Variants in SLC4A4 observed in about 807,000 individuals in gnomAD.
SLC4A4 encodes the protein electrogenic sodium bicarbonate cotransporter 1.
In SLC4A4, 27 loss-of-function variants were observed where a neutral mutation model predicts 111.5. The ratio of observed to expected loss-of-function variants is 0.24; its 90% CI spans 0.18 to 0.33. SLC4A4 has a LOEUF of 0.33. Among genes scored for constraint, SLC4A4 ranks in the 10% least tolerant of loss-of-function variants. SLC4A4 has a pLI of 1.00. For missense variants in SLC4A4, 909 were observed against 1,315.5 expected (o/e 0.69, Z 4.78); for synonymous variants, 443 against 463.4 (o/e 0.96, Z 0.57).
intron 2 of SLC4A4, among the ~76,000 whole-genome samples, chr4:71,239,837 T>C (rs755148180): frequency 1.3e-4 from 20 of 152,208 alleles, no homozygotes; most frequent in Non-Finnish European, 2.5e-4. Context: ...GGTTTTAAAG[T>C]TAACATTTTT....
intron 3 of SLC4A4, among the ~76,000 whole-genome samples, chr4:71,333,777 T>C (rs982435027): frequency 6.6e-6 from 1 of 152,098 alleles, no homozygotes; most frequent in African/African-American, 2.4e-5. Flanking sequence ...CCTTTCCTGA[T>C]GCAGAAGGAG....
intron 1 of SLC4A4, among the ~76,000 whole-genome samples, chr4:71,233,972 A>G (rs1719625464): frequency 6.6e-6 from 1 of 152,124 alleles, no homozygotes; most frequent in African/African-American, 2.4e-5. Flanking sequence ...CCTAAAGTTG[A>G]CCTTCTAGCC....
intron 18 of SLC4A4, among the ~76,000 whole-genome samples, chr4:71,536,550 G>T (rs1012566153): frequency 1.4e-5 from 2 of 144,448 alleles, no homozygotes; most frequent in Admixed American, 7.2e-5. Flanking sequence ...AGGCTGGAGT[G>T]CAGTGGCTTG....
chr4:71,533,242 G>C (rs1016938472), intron 17 of SLC4A4, among the ~76,000 whole-genome samples: 1 of 152,072 alleles, frequency 6.6e-6, no homozygotes, highest in African/African-American at 2.4e-5. Context: ...TAATTCATTT[G>C]AGTTAATATT....
chr4:71,252,278 A>C (rs887990074), intron 2 of SLC4A4, among the ~76,000 whole-genome samples: 2 of 152,172 alleles, frequency 1.3e-5, no homozygotes, highest in African/African-American at 4.8e-5. Flanking sequence ...TAGCTTATTA[A>C]GTATTTGATT....
chr4:71,504,318 T>G (rs889124686), intron 16 of SLC4A4, among the ~76,000 whole-genome samples: 4 of 152,138 alleles, frequency 2.6e-5, no homozygotes, highest in Non-Finnish European at 4.4e-5. Flanking sequence ...TAATTCTTAT[T>G]TATTTTTTCC....
At chr4:71,205,110 C>T (rs1717672533) in intron 1 of SLC4A4, among the ~76,000 whole-genome samples, 1 of 152,142 alleles carries the variant, frequency 6.6e-6, no homozygotes, top group South Asian at 2.1e-4. Context: ...TAATTCCCAG[C>T]TTGTTTGTGT....
intron 6 of SLC4A4, among the ~76,000 whole-genome samples, chr4:71,361,832 T>C (rs1264439613): frequency 6.6e-6 from 1 of 152,226 alleles, no homozygotes; most frequent in Non-Finnish European, 1.5e-5. Flanking sequence ...GTTTGCTTTT[T>C]ATTAGAAAGT....
chr4:71,269,738 T>G (rs2602098), intron 3 of SLC4A4, among the ~76,000 whole-genome samples: 48,280 of 152,042 alleles, frequency 0.32, 9,130 homozygotes, highest in African/African-American at 0.52. Flanking sequence ...CAGTGTTATT[T>G]TTCCCATATT....
intron 3 of SLC4A4, among the ~76,000 whole-genome samples, chr4:71,302,238 G>A (rs2602058): frequency 0.14 from 20,950 of 152,110 alleles, 2,199 homozygotes; most frequent in African/African-American, 0.25. Flanking sequence ...AAGTGGTAGA[G>A]AGAGCAATGC....
At chr4:71,543,170 G>A (rs1478661523) in intron 18 of SLC4A4, among the ~76,000 whole-genome samples, 1 of 152,100 alleles carries the variant, frequency 6.6e-6, no homozygotes, top group African/African-American at 2.4e-5. Flanking sequence ...AGCTAAATGA[G>A]GCTGGGTGGG....
rs1015947781 is a variant in SLC4A4, at chr4:71,567,658, A to C, written c.*37-130A>C. On this transcript the variant is annotated intron_variant, in intron 25 of 25. Coordinates refer to ENST00000264485, the MANE Select transcript of SLC4A4 (RefSeq NM_001098484.3). ...CATTTAAAATGTTTGTTTTTAATAC[A>C]CAAAGAGAATATAAATATTAAAAGA... 4.5e-5 allele frequency: 23 copies of C among 513,536 alleles called. No homozygotes were observed. In the African/African-American group the frequency reaches 4.7e-4, roughly 10 times the overall value. 31.8% of individuals were successfully genotyped at this position (513,536 alleles called of 1,614,324 possible).
chr4:71,421,149 A>G (rs1722437893), intron 7 of SLC4A4, among the ~76,000 whole-genome samples: 1 of 151,590 alleles, frequency 6.6e-6, no homozygotes. Context: ...AGATCTACCA[A>G]GCAAATGGAA....
At chr4:71,322,473 T>C (rs898020356) in intron 3 of SLC4A4, among the ~76,000 whole-genome samples, 1 of 152,040 alleles carries the variant, frequency 6.6e-6, no homozygotes, top group Non-Finnish European at 1.5e-5. Context: ...CTACTCTCTA[T>C]AGCAAATAGT....
intron 3 of SLC4A4, among the ~76,000 whole-genome samples, chr4:71,314,852 G>T (rs988912227): frequency 6.6e-6 from 1 of 152,066 alleles, no homozygotes; most frequent in South Asian, 2.1e-4. Context: ...GTTGACAGGT[G>T]CAGCAAACCA....
chr4:71,478,086 A>G (rs1264985957), intron 14 of SLC4A4, among the ~76,000 whole-genome samples: 2 of 152,002 alleles, frequency 1.3e-5, no homozygotes, highest in Non-Finnish European at 2.9e-5. Context: ...GCCAGTTAGA[A>G]TGGAGATCAT....
chr4:71,192,276 C>T (rs1415767897), intron 1 of SLC4A4, among the ~76,000 whole-genome samples: 2 of 152,092 alleles, frequency 1.3e-5, no homozygotes, highest in African/African-American at 2.4e-5. Flanking sequence ...GGAACTCCTA[C>T]ATTTGTCATG....
chr4:71,130,610 G>T (rs750389793), intron 2 of SLC4A4, among the ~76,000 whole-genome samples: 49 of 151,958 alleles, frequency 3.2e-4, no homozygotes, highest in Non-Finnish European at 5.6e-4. Context: ...TACTTATTTT[G>T]TTAAATGAGT....
chr4:71,156,575 C>CGT lies in SLC4A4; in HGVS notation c.-2+63784_-2+63785insTG, dbSNP rs1339821202. The stretch of plus-strand genomic sequence containing the variant: ...GTCCAAATAAGTGTGTGCGCGCATG[C>CGT]GCGCGCGCGCGCGCACACACACACA... On this transcript the variant is annotated intron_variant, in intron 2 of 26. Transcript: ENST00000649996. Among the ~76,000 whole-genome samples, 3 of 93,654 alleles carry CGT rather than the reference C, an allele frequency of 3.2e-5. No individual in the cohort carries two copies. In the East Asian group the frequency reaches 1.0e-3, roughly 32 times the overall value. The allele number at this position is 93,654 out of a possible 152,430, so 61.4% of individuals were successfully genotyped here.
Sources: allele counts gnomAD v4.1 joint callset (sites outside exome capture counted in the v4.1 genomes callset), GRCh38; gene constraint gnomAD v4.1.1; transcripts MANE v1.5; gene names NCBI Gene and HGNC (gene_info 2026-07-23, HGNC 2026-07-21).